Variants in FAS observed in about 807,000 individuals in gnomAD.
The protein encoded by FAS is Fas cell surface death receptor.
Under a neutral mutation model 33.2 loss-of-function variants are expected in FAS, and 5 were observed. That is an observed-to-expected ratio of 0.15 (90% CI 0.08 to 0.32). FAS has a LOEUF of 0.32. FAS is among the 10% of genes least tolerant of loss of function. The probability of loss-of-function intolerance (pLI) is 1.00; values close to 1 mark genes in which losing one functional copy is unlikely to be tolerated. For synonymous variants in FAS, 131 were observed against 130.7 expected (o/e 1.00, Z -0.01); for missense variants, 339 against 386.0 (o/e 0.88, Z 1.02).
intron 1 of FAS, chr10:88,991,216 G>A (rs1847181236): frequency 1.8e-6 from 1 of 543,776 alleles, no homozygotes; most frequent in African/African-American, 1.9e-5. Flanking sequence ...CGTTGAGGTG[G>A]GCGTGGGGTG....
upstream of FAS, among the ~76,000 whole-genome samples, chr10:88,989,996 A>AT (rs1035939637): frequency 1.8e-4 from 27 of 152,092 alleles, no homozygotes; most frequent in African/African-American, 2.9e-4. Flanking sequence ...GAATTACAAG[A>AT]TTTTTTTTTA....
chr10:88,969,808 G>T (rs1184353631), intron 1 of FAS, among the ~76,000 whole-genome samples: 1 of 152,118 alleles, frequency 6.6e-6, no homozygotes, highest in Non-Finnish European at 1.5e-5. Flanking sequence ...CTAGGGAAGG[G>T]ACACTGATTG....
chr10:89,000,559 ATGC>A (rs1381764113), intron 1 of FAS, among the ~76,000 whole-genome samples: 6 of 152,252 alleles, frequency 3.9e-5, no homozygotes, highest in Non-Finnish European at 8.8e-5. Flanking sequence ...AAAAGATAAT[ATGC>A]TGCTGAAACT....
exon 2 of FAS, chr10:88,973,205 A>C (rs766819965): frequency 6.2e-7 from 1 of 1,612,404 alleles, no homozygotes; most frequent in South Asian, 1.1e-5. Flanking sequence ...TTTCTGGGAT[A>C]ATTTCTGGCA....
Position 89,008,952 on chromosome 10 carries a change from T to A in FAS, c.398T>A (p.Phe133Tyr), listed in dbSNP as rs373422165. 1.9e-6 allele frequency: 3 copies of A among 1,613,946 alleles called. No individual in the cohort carries two copies. Among genetic ancestry groups the A allele is most frequent in the Non-Finnish European group, 2.5e-6 (3 of 1,179,910 alleles). The change falls in exon 4 of 9, where the codon TTT becomes TAT. Residue 133 changes from phenylalanine to tyrosine, a missense_variant. Coordinates refer to ENST00000652046, the MANE Select transcript of FAS (RefSeq NM_000043.6). ...QNTKCRCKPN[F>Y]FCNSTVCEHC... ...ACCAAGTGCAGATGTAAACCAAACT[T>A]TTTTTGTAACTCTACTGTATGTGAA... is the stretch of plus-strand genomic sequence containing the variant.
At chr10:88,990,111 T>C (rs1847075234), upstream of FAS, among the ~76,000 whole-genome samples, 1 of 152,224 alleles carries the variant, frequency 6.6e-6, no homozygotes, top group South Asian at 2.1e-4. This position sits in a 1 kb window ranked among gnomAD's most constrained non-coding sequence, Gnocchi z 4.9. Context: ...TAGCTTTGTT[T>C]TCCTCTTGAG....
At chr10:88,995,124 C>A (rs1375973638) in intron 1 of FAS, among the ~76,000 whole-genome samples, 1 of 151,914 alleles carries the variant, frequency 6.6e-6, no homozygotes, top group East Asian at 1.9e-4. Context: ...GGAAAAATAA[C>A]ATTTAATAAA....
chr10:88,992,291 A>G (rs1173151469), intron 1 of FAS: 1 of 152,156 alleles, frequency 6.6e-6, no homozygotes, highest in African/African-American at 2.4e-5. Flanking sequence ...GAGAAAATTA[A>G]TGATTCAAGA....
rs200811573 is a variant in FAS at position 88,999,149 on chromosome 10, T to G, written c.31-3880T>G. Among the ~76,000 whole-genome samples the G allele has an allele frequency of 3.6e-4, 40 of 110,128 alleles. No individual in the cohort carries two copies. In the East Asian group the frequency reaches 9.4e-3, roughly 26 times the overall value. 72.2% of individuals were successfully genotyped at this position (110,128 alleles called of 152,430 possible). ...AGCCTGGCAACAGAGCGAGACTCCG[T>G]CTCAAAAAAATAAATAAATAAATAA... On this transcript the variant is annotated intron_variant, in intron 1 of 8. Transcript: ENST00000652046.
At chr10:89,003,368 C>A (rs9658732) in intron 2 of FAS, among the ~76,000 whole-genome samples, 174 bp downstream of exon 2, 1 of 152,170 alleles carries the variant, frequency 6.6e-6, no homozygotes, top group South Asian at 2.1e-4. Flanking sequence ...TTATATTTAT[C>A]ACGCTTATTT....
At chr10:89,003,438 G>A (rs1848048512) in intron 2 of FAS, among the ~76,000 whole-genome samples, 1 of 152,108 alleles carries the variant, frequency 6.6e-6, no homozygotes, top group African/African-American at 2.4e-5. Flanking sequence ...TGAGAAGACT[G>A]GTCTATTTGG....
intron 1 of FAS, among the ~76,000 whole-genome samples, chr10:88,995,358 A>G (rs1269691963): frequency 6.6e-6 from 1 of 152,174 alleles, no homozygotes; most frequent in Admixed American, 6.5e-5. Context: ...CCTTCCCCGG[A>G]AGGAAATGAG....
intron 1 of FAS, among the ~76,000 whole-genome samples, chr10:88,965,664 A>C (rs111669760): frequency 1.6e-5 from 1 of 62,878 alleles, no homozygotes; most frequent in African/African-American, 6.9e-5. Flanking sequence ...AGCCATTATA[A>C]TGCAAAGCAT....
rs1198675817 is a variant in FAS, at chr10:89,014,816, A to G, written c.*366A>G. 2 of 546,174 alleles carry G rather than the reference A, an allele frequency of 3.7e-6. No individual in the cohort carries two copies. Among genetic ancestry groups the G allele is most frequent in the Middle Eastern group, 5.0e-4 (1 of 1,990 alleles). The allele number at this position is 546,174 out of a possible 1,614,324, so 33.8% of individuals were successfully genotyped here. On this transcript the variant is annotated 3_prime_UTR_variant, in exon 9 of 9. Transcript: ENST00000652046. ...TCTATCCACAGGCTAACCCCACTCT[A>G]TGAATCAATAGAAGAAGCTATGACC... is the stretch of plus-strand genomic sequence containing the variant.
intron 2 of FAS, among the ~76,000 whole-genome samples, chr10:88,975,351 A>G (rs557168484): frequency 2.0e-5 from 3 of 152,380 alleles, no homozygotes; most frequent in African/African-American, 7.2e-5. Flanking sequence ...AGCTCCATGC[A>G]GAAAAATTAG....
upstream of FAS, among the ~76,000 whole-genome samples, chr10:88,982,408 G>A (rs1302286332): frequency 6.6e-6 from 1 of 152,148 alleles, no homozygotes; most frequent in African/African-American, 2.4e-5. Flanking sequence ...AGATCTCACC[G>A]AGCTTAAATG....
At chr10:89,007,943 C>T (rs1451415062) in intron 3 of FAS, 106 bp downstream of exon 3, 2 of 1,549,990 alleles carry the variant, frequency 1.3e-6, no homozygotes, top group African/African-American at 2.7e-5. Context: ...TATGTTGACA[C>T]ACAGGAAAGG....
chr10:88,969,647 A>G (rs1210349669), intron 1 of FAS, among the ~76,000 whole-genome samples: 1 of 152,198 alleles, frequency 6.6e-6, no homozygotes, highest in Non-Finnish European at 1.5e-5. Context: ...TTCTCAAGGA[A>G]AGAAACCTCC....
At chr10:88,973,516 A>G (rs773679881) in intron 2 of FAS, 3 of 500,202 alleles carry the variant, frequency 6.0e-6, no homozygotes, top group Non-Finnish European at 9.5e-6. Flanking sequence ...GAGGCCAGGT[A>G]CCCTGTCACC....
Sources: gnomAD v4.1 joint callset for allele counts (sites outside exome capture counted in the v4.1 genomes callset) on GRCh38, gnomAD v4.1.1 for gene constraint, Gnocchi (gnomAD v3.1) non-coding constraint, MANE v1.5 for transcripts, NCBI Gene and HGNC (gene_info 2026-07-23, HGNC 2026-07-21) for gene names.